The following BCL11B variants were observed in gnomAD, a reference collection of about 807,000 sequenced individuals.
The protein encoded by BCL11B is BCL11 transcription factor B, also known as B-cell lymphoma/leukemia 11B.
A neutral mutation model predicts 49.9 loss-of-function variants in BCL11B; 8 were observed. The observed-to-expected ratio is 0.16, with a 90% CI of 0.09 to 0.29. The LOEUF (loss-of-function observed/expected upper bound fraction) is 0.29, where lower values mean the gene tolerates loss of function less well. Ranked by LOEUF, BCL11B falls within the 10% of genes least tolerant of loss-of-function variation. BCL11B has a pLI of 1.00. For synonymous variants in BCL11B, 739 were observed against 637.4 expected, an observed-to-expected ratio of 1.16 and a Z score of -2.40; for missense variants, 1,006 against 1,351.0, an observed-to-expected ratio of 0.74 and a Z score of 4.00.
At chr14:99,270,251 G>A (rs967406553) in intron 1 of BCL11B, among the ~76,000 whole-genome samples, 1 of 152,082 alleles carries the variant, frequency 6.6e-6, no homozygotes, top group East Asian at 1.9e-4. Flanking sequence ...AGATAGGAAA[G>A]ATGAAAGATA....
intron 1 of BCL11B, among the ~76,000 whole-genome samples, chr14:99,267,565 CAA>C (rs1391096328): frequency 4.0e-5 from 5 of 125,064 alleles, no homozygotes; most frequent in Admixed American, 2.4e-4. Context: ...ACCAACTAAC[CAA>C]AAAAAAAAAA....
Position 99,231,043 on chromosome 14 carries a change from A to T in BCL11B, c.640+302T>A, listed in dbSNP as rs558523266. Reference sequence around the variant, plus strand: ...GGGCCGAAGAAAACCTCAGATGTTAAGTGTTATCCAATTAAGCTGTCGCTA... The same window carrying T: ...GGGCCGAAGAAAACCTCAGATGTTATGTGTTATCCAATTAAGCTGTCGCTA... On this transcript the variant is annotated intron_variant, in intron 3 of 3. Coordinates refer to ENST00000357195, the MANE Select transcript of BCL11B (RefSeq NM_138576.4). The surrounding 1 kb of genome is among the most constrained non-coding windows in gnomAD (Gnocchi z 8.1). 6.6e-6 allele frequency among the ~76,000 whole-genome samples: 1 copy of T among 152,252 alleles called. No individual in the cohort carries two copies. Among genetic ancestry groups the T allele is most frequent in the South Asian group, 2.1e-4 (1 of 4,824 alleles).
chr14:99,225,881 GTGCCCCAACTGGGGGGCT>G (rs1441024961), intron 3 of BCL11B, among the ~76,000 whole-genome samples: 1 of 152,206 alleles, frequency 6.6e-6, no homozygotes, highest in Non-Finnish European at 1.5e-5. Context: ...ATGCTGGTAG[GTGCCCCAACTGGGGGGCT>G]TCCCCCAACT....
chr14:99,187,640 A>G (rs1886892509), intron 3 of BCL11B, among the ~76,000 whole-genome samples: 1 of 138,410 alleles, frequency 7.2e-6, no homozygotes. Flanking sequence ...ACAAATAAAG[A>G]GGGAGTTAGG....
chr14:99,234,924 A>G (rs903355087), intron 2 of BCL11B, among the ~76,000 whole-genome samples: 5 of 151,442 alleles, frequency 3.3e-5, no homozygotes, highest in African/African-American at 1.2e-4. Flanking sequence ...TAGGCTCCAA[A>G]ACAGGGCAAT....
At position 99,271,171 on chromosome 14, in the gene BCL11B, C is replaced by A. The variant is rs1027891253; in HGVS notation, c.48G>T (p.Glu16Asp). 2.1e-5 allele frequency: 33 copies of A among 1,554,300 alleles called. No individual in the cohort carries two copies. Among genetic ancestry groups the A allele is most frequent in the Non-Finnish European group, 2.3e-5 (27 of 1,156,062 alleles). The change falls in exon 1 of 4, where the codon GAG becomes GAT. Residue 16 changes from glutamate (E) to aspartate (D), a missense_variant. Physicochemically the swap from Glu to Asp is conservative, Grantham distance 45. Transcript: ENST00000357195. ...QGNPQHLSQR[E>D]LITPEADHVE... is the part of the protein sequence containing the mutation. Reference sequence around the variant, plus strand: ...TCCGCAGACACTTACGGGTGATGAGCTCCCTCTGGGACAAGTGCTGCGGGT... The same window carrying A: ...TCCGCAGACACTTACGGGTGATGAGATCCCTCTGGGACAAGTGCTGCGGGT...
At chr14:99,176,298 C>G in intron 3 of BCL11B, 103 bp from the exon 4 acceptor site, 1 of 1,124,428 alleles carries the variant, frequency 8.9e-7, no homozygotes, top group South Asian at 1.6e-5. Context: ...CCGGGCTGAT[C>G]CGGGATCCCA....
intron 2 of BCL11B, among the ~76,000 whole-genome samples, chr14:99,255,956 GT>G (rs1889152347): frequency 6.6e-6 from 1 of 152,242 alleles, no homozygotes; most frequent in African/African-American, 2.4e-5. Context: ...GTTCACTGAT[GT>G]CTCCCCAGTG....
rs1167009521 is a variant in BCL11B at position 99,175,081 on chromosome 14, C to T, written c.1755G>A (p.Lys585=). The change falls in exon 4 of 4, where the codon AAG becomes AAA. Residue 585 remains lysine, a synonymous_variant. Transcript: ENST00000357195. ...CCAGCGCCTTCTCGTCAGCCAGCGC[C>T]TTGGCCGCGCCGCCCCCCGCGCCCG... The part of the protein sequence containing the change: ...GVPGAGGGAA[K]ALADEKALVL... 4 of 1,600,670 alleles carry T rather than the reference C, an allele frequency of 2.5e-6. No homozygotes were observed. The highest frequency in any genetic ancestry group is 3.4e-6 in the Non-Finnish European group (4 of 1,177,450).
At chr14:99,190,111 C>A (rs76807456) in intron 3 of BCL11B, among the ~76,000 whole-genome samples, 1 of 152,244 alleles carries the variant, frequency 6.6e-6, no homozygotes, top group Non-Finnish European at 1.5e-5. Context: ...TGGCACCCGA[C>A]CCTACTGGGT....
At position 99,271,515 on chromosome 14, in the gene BCL11B, C is replaced by A. The variant is rs200267903; in HGVS notation, c.-297G>T. The A allele has an allele frequency of 5.2e-5, 9 of 173,978 alleles. No individual in the cohort carries two copies. The highest frequency in any genetic ancestry group is 7.1e-5 in the Non-Finnish European group (6 of 85,016). The allele number at this position is 173,978 out of a possible 1,614,324, so 10.8% of individuals were successfully genotyped here. ...CTCGATCTAAAATAAGAAAAAGAGG[C>A]AAAAAAAAAAAAAACTGCTGTTGCT... is the stretch of plus-strand genomic sequence containing the variant. On this transcript the variant is annotated 5_prime_UTR_variant, in exon 1 of 4. Transcript: ENST00000357195.
rs184182008 is a variant in BCL11B, at chr14:99,249,631, C to T, written c.427+7840G>A. ...TGACCACAGTGAAGAACATAACTGC[C>T]GGAGTTGACACCCTGGGACCCTACT... On this transcript the variant is annotated intron_variant, in intron 2 of 3. Coordinates refer to ENST00000357195, the MANE Select transcript of BCL11B (RefSeq NM_138576.4). 1.4e-4 allele frequency among the ~76,000 whole-genome samples: 21 copies of T among 152,278 alleles called. No individual in the cohort carries two copies. In the East Asian group the frequency reaches 2.5e-3, roughly 18 times the overall value.
rs757214749 is a variant in BCL11B, at chr14:99,231,084, C to T, written c.640+261G>A. 2.6e-5 allele frequency among the ~76,000 whole-genome samples: 4 copies of T among 152,134 alleles called. No homozygotes were observed. Among genetic ancestry groups the T allele is most frequent in the Non-Finnish European group, 4.4e-5 (3 of 68,026 alleles). ...GCTGTCGCTAAACAACCCAAAGAAGCGGGATTGGGAGGCTGGGGAATGCAT... is the reference window on the plus strand; with the variant it reads ...GCTGTCGCTAAACAACCCAAAGAAGTGGGATTGGGAGGCTGGGGAATGCAT... On this transcript the variant is annotated intron_variant, in intron 3 of 3. Transcript: ENST00000357195. The surrounding 1 kb of genome is among the most constrained non-coding windows in gnomAD (Gnocchi z 8.1).
In BCL11B at chr14:99,170,550, A is replaced by G. The variant is rs993272315; in HGVS notation, c.*3601T>C. ...GATTAGGGGAGGAACAGACAGGAAGAAAAGAAATTAAATAAAAAATGAAAG... is the reference window on the plus strand; with the variant it reads ...GATTAGGGGAGGAACAGACAGGAAGGAAAGAAATTAAATAAAAAATGAAAG... On this transcript the variant is annotated 3_prime_UTR_variant, in exon 4 of 4. Transcript: ENST00000357195. 3.0e-5 allele frequency: 7 copies of G among 231,398 alleles called. No homozygotes were observed. Among genetic ancestry groups the G allele is most frequent in the African/African-American group, 1.1e-4 (5 of 45,218 alleles). 14.3% of individuals were successfully genotyped at this position (231,398 alleles called of 1,614,324 possible). A position where few individuals can be genotyped will look rare whatever the true frequency, so the allele number is the denominator to read the frequency against.
chr14:99,257,632 T>C lies in BCL11B; in HGVS notation c.266A>G (p.Tyr89Cys). 3 of 1,613,574 alleles carry C rather than the reference T, an allele frequency of 1.9e-6. No homozygotes were observed. Among genetic ancestry groups the C allele is most frequent in the Non-Finnish European group, 2.5e-6 (3 of 1,179,592 alleles). ...KQCGGSLGAC[Y>C]DKALDKDSPP... ...GCTGTCCTTGTCCAGGGCCTTGTCA[T>C]AGCAGGCACCCAAGCTGCCGCCACA... is the stretch of plus-strand genomic sequence containing the variant. Residue 89 changes from tyrosine to cysteine, a missense_variant, in exon 2 of 4, where the codon TAT becomes TGT. Transcript: ENST00000357195. This position sits in a 1 kb window ranked among gnomAD's most constrained non-coding sequence, Gnocchi z 6.2.
Position 99,271,968 on chromosome 14 carries a change from G to A in BCL11B, c.-750C>T, listed in dbSNP as rs1029208596. On this transcript the variant is annotated 5_prime_UTR_variant, in exon 1 of 4. Coordinates refer to ENST00000357195, the MANE Select transcript of BCL11B (RefSeq NM_138576.4). ...CCGAGGCTCTGGGGGGACACCAGGA[G>A]AGGCTCCTTCCCAGTTCACCTGGCA... is the stretch of plus-strand genomic sequence containing the variant. Among the ~76,000 whole-genome samples, 1 of 151,948 alleles carries A rather than the reference G, an allele frequency of 6.6e-6. No individual in the cohort carries two copies. Among genetic ancestry groups the A allele is most frequent in the Non-Finnish European group, 1.5e-5 (1 of 67,984 alleles).
chr14:99,175,827 G>A lies in BCL11B; in HGVS notation c.1009C>T (p.Leu337Phe), dbSNP rs1378886170. The A allele has an allele frequency of 4.7e-6, 7 of 1,476,246 alleles. No individual in the cohort carries two copies. The highest frequency in any genetic ancestry group is 1.5e-5 in the African/African-American group (1 of 67,422). The allele number at this position is 1,476,246 out of a possible 1,614,324, so 91.4% of individuals were successfully genotyped here. The change falls in exon 4 of 4, where the codon CTC becomes TTC. Residue 337 changes from leucine (L) to phenylalanine (F), a missense_variant. Around this residue, in one of 6 missense-constraint regions of BCL11B, gnomAD observed 411 missense variants for 542.2 expected, o/e 0.76. Transcript: ENST00000357195. ...PHRLSAEEMG[L>F]VAQHPSAFDR... ...AAGGCACTGGGGTGCTGGGCGACGA[G>A]CCCCATCTCCTCGGCACTGAGGCGG... is the stretch of plus-strand genomic sequence containing the variant.
intron 3 of BCL11B, among the ~76,000 whole-genome samples, chr14:99,199,673 TGTGTGTGTGTGCGC>T (rs1209375370): frequency 3.6e-5 from 3 of 84,402 alleles, no homozygotes; most frequent in African/African-American, 1.4e-4. Flanking sequence ...TGTGTGTGTG[TGTGTGTGTGTGCGC>T]GCGCGCGCGC....
chr14:99,214,113 C>T (rs1887763479), intron 3 of BCL11B, among the ~76,000 whole-genome samples: 1 of 152,178 alleles, frequency 6.6e-6, no homozygotes, highest in African/African-American at 2.4e-5. Context: ...AGTTCCCCTT[C>T]CCTTCTGGCA....
Sources: allele counts gnomAD v4.1 joint callset (sites outside exome capture counted in the v4.1 genomes callset), GRCh38; gene constraint gnomAD v4.1.1; regional missense constraint gnomAD v4.1.1; non-coding constraint Gnocchi (gnomAD v3.1); transcripts MANE v1.5; gene names NCBI Gene and HGNC (gene_info 2026-07-23, HGNC 2026-07-21).